Variants in MAGI2 observed in about 807,000 individuals in gnomAD.
The protein encoded by MAGI2 is membrane-associated guanylate kinase, WW and PDZ domain-containing protein 2.
In MAGI2, 35 loss-of-function variants were observed where a neutral mutation model predicts 133.3. That is an observed-to-expected ratio of 0.26 (90% CI 0.20 to 0.35). The LOEUF is 0.35. Among genes scored for constraint, MAGI2 ranks in the 10% least tolerant of loss-of-function variants. MAGI2 has a pLI of 1.00. For synonymous variants in MAGI2, 729 were observed against 710.6 expected (o/e 1.03, Z -0.41); for missense variants, 1,636 against 1,863.4 (o/e 0.88, Z 2.25).
chr7:79,121,653 C>T (rs923314030), intron 1 of MAGI2, among the ~76,000 whole-genome samples: 1 of 152,010 alleles, frequency 6.6e-6, no homozygotes. Flanking sequence ...TCTGTCAATG[C>T]CATGTTTTTA....
At chr7:78,258,386 A>G (rs1270363741) in intron 9 of MAGI2, among the ~76,000 whole-genome samples, 1 of 152,094 alleles carries the variant, frequency 6.6e-6, no homozygotes, top group Non-Finnish European at 1.5e-5. Flanking sequence ...TTAATGTTAT[A>G]TTTTCTACAT....
intron 7 of MAGI2, among the ~76,000 whole-genome samples, chr7:78,368,012 T>C (rs2151257900): frequency 6.6e-6 from 1 of 152,342 alleles, no homozygotes; most frequent in East Asian, 1.9e-4. Flanking sequence ...GATACTATGC[T>C]AGCAGATTGC....
At chr7:78,264,910 T>G (rs958785761) in intron 9 of MAGI2, among the ~76,000 whole-genome samples, 31 of 152,110 alleles carry the variant, frequency 2.0e-4, no homozygotes, top group African/African-American at 7.5e-4. Context: ...TACCTTGAAC[T>G]TCTCTGATTT....
intron 1 of MAGI2, among the ~76,000 whole-genome samples, chr7:79,136,011 A>G (rs1215350499): frequency 6.1e-5 from 8 of 131,054 alleles, no homozygotes; most frequent in African/African-American, 2.4e-4. Context: ...AAGAGAAAGA[A>G]AGAAAGAAAG....
chr7:79,308,967 T>TA (rs200983139), intron 1 of MAGI2, among the ~76,000 whole-genome samples: 14,994 of 152,138 alleles, frequency 0.099, 1,080 homozygotes, highest in Non-Finnish European at 0.15. Flanking sequence ...TTACCCTGAT[T>TA]AAAAAATAAA....
intron 1 of MAGI2, among the ~76,000 whole-genome samples, chr7:79,351,068 G>C (rs372846279): frequency 6.6e-6 from 1 of 152,178 alleles, no homozygotes; most frequent in Admixed American, 6.5e-5. Flanking sequence ...AAATGAAACC[G>C]TTAGTTTGAT....
chr7:78,938,630 T>C (rs923581313), intron 2 of MAGI2, among the ~76,000 whole-genome samples: 5 of 152,232 alleles, frequency 3.3e-5, no homozygotes, highest in Non-Finnish European at 5.9e-5. Flanking sequence ...ACTAACTGAC[T>C]GAAATTTACT....
chr7:79,311,478 C>A (rs1838287662), intron 1 of MAGI2, among the ~76,000 whole-genome samples: 1 of 152,056 alleles, frequency 6.6e-6, no homozygotes, highest in Admixed American at 6.6e-5. Context: ...ATTCAATATC[C>A]CCCTCACTTG....
At chr7:78,450,857 C>A (rs1788653494) in intron 6 of MAGI2, among the ~76,000 whole-genome samples, 1 of 152,064 alleles carries the variant, frequency 6.6e-6, no homozygotes, top group Non-Finnish European at 1.5e-5. Context: ...AATACTTGGT[C>A]TGGCATAGTG....
chr7:78,130,405 T>C (rs915359822), intron 18 of MAGI2, among the ~76,000 whole-genome samples: 1 of 152,148 alleles, frequency 6.6e-6, no homozygotes, highest in African/African-American at 2.4e-5. Flanking sequence ...GACATGTAGG[T>C]GGGCACTTCT....
chr7:78,909,444 A>C (rs1489472718), intron 2 of MAGI2, among the ~76,000 whole-genome samples: 3 of 142,116 alleles, frequency 2.1e-5, no homozygotes, highest in Non-Finnish European at 4.6e-5. Context: ...AAAAAAAAAA[A>C]CAAAAAAAAT....
intron 9 of MAGI2, 58 bp downstream of exon 9, chr7:78,343,720 T>G: frequency 7.5e-7 from 1 of 1,326,296 alleles, no homozygotes; most frequent in Non-Finnish European, 9.9e-7. Context: ...GCTCCTTATA[T>G]TTGCCTTCAG....
intron 6 of MAGI2, among the ~76,000 whole-genome samples, chr7:78,382,395 C>G (rs1320179679): frequency 6.6e-6 from 1 of 151,704 alleles, no homozygotes; most frequent in African/African-American, 2.4e-5. Context: ...CAAACAATAA[C>G]AAATGAGCTT....
At chr7:79,187,185 G>A (rs1040583589) in intron 1 of MAGI2, among the ~76,000 whole-genome samples, 3 of 151,400 alleles carry the variant, frequency 2.0e-5, no homozygotes, top group African/African-American at 7.3e-5. Context: ...ACATTATGAT[G>A]ACTTTAAAAT....
chr7:78,714,815 G>T (rs369248533), intron 2 of MAGI2, among the ~76,000 whole-genome samples: 51 of 152,176 alleles, frequency 3.4e-4, no homozygotes, highest in East Asian at 1.7e-3. Flanking sequence ...GATGCTGAGC[G>T]ATGGAAGTCA....
At chr7:79,275,695 A>C (rs1273541626) in intron 1 of MAGI2, among the ~76,000 whole-genome samples, 2 of 152,130 alleles carry the variant, frequency 1.3e-5, no homozygotes, top group Non-Finnish European at 1.5e-5. Flanking sequence ...AAAGCATCAC[A>C]GGACAGGCTG....
chr7:79,090,204 A>G (rs1206100286), intron 1 of MAGI2, among the ~76,000 whole-genome samples: 1 of 152,022 alleles, frequency 6.6e-6, no homozygotes, highest in Non-Finnish European at 1.5e-5. Context: ...TAATTATGTA[A>G]TTGCATAGGT....
At chr7:78,207,375 G>A (rs1787209150) in intron 10 of MAGI2, among the ~76,000 whole-genome samples, 1 of 152,050 alleles carries the variant, frequency 6.6e-6, no homozygotes, top group African/African-American at 2.4e-5. Context: ...AAAAGCCCCA[G>A]GGCTTTTATA....
At chr7:78,685,711 T>C (rs1349300390) in intron 2 of MAGI2, among the ~76,000 whole-genome samples, 1 of 152,098 alleles carries the variant, frequency 6.6e-6, no homozygotes, top group South Asian at 2.1e-4. Context: ...ATACTTGCTA[T>C]TTTTTAAATA....
Sources: gnomAD v4.1 joint callset for allele counts (sites outside exome capture counted in the v4.1 genomes callset) on GRCh38, gnomAD v4.1.1 for gene constraint, MANE v1.5 for transcripts, NCBI Gene and HGNC (gene_info 2026-07-23, HGNC 2026-07-21) for gene names.